RALYL: variants seen among roughly 807,000 people sequenced by gnomAD.
RALYL encodes the protein RNA-binding Raly-like protein.
In RALYL, 29 loss-of-function variants were observed where a neutral mutation model predicts 35.1. The ratio of observed to expected loss-of-function variants is 0.83; its 90% CI spans 0.61 to 1.13. The LOEUF (loss-of-function observed/expected upper bound fraction) is 1.13. RALYL is among the 50% of genes most tolerant of loss of function. The pLI, the probability that RALYL is intolerant of heterozygous loss-of-function variation, is 0.00. For synonymous variants in RALYL, 120 were observed against 127.6 expected (o/e 0.94, Z 0.40); for missense variants, 359 against 360.4 (o/e 1.00, Z 0.03).
At chr8:84,853,861 G>C (rs1177003762) in intron 5 of RALYL, among the ~76,000 whole-genome samples, 1 of 152,036 alleles carries the variant, frequency 6.6e-6, no homozygotes, top group Admixed American at 6.5e-5. Flanking sequence ...TCTTTTAGCA[G>C]AGGTGCAAAC....
At chr8:84,637,882 G>A (rs896005292) in intron 2 of RALYL, among the ~76,000 whole-genome samples, 6 of 151,870 alleles carry the variant, frequency 4.0e-5, no homozygotes, top group Admixed American at 3.3e-4. Flanking sequence ...AATGTGCATG[G>A]TTTAAGGGAG....
At chr8:84,647,577 T>G (rs1827759919) in intron 2 of RALYL, among the ~76,000 whole-genome samples, 1 of 152,084 alleles carries the variant, frequency 6.6e-6, no homozygotes, top group African/African-American at 2.4e-5. Context: ...AATATGCAGT[T>G]TTGGAGCTCA....
intron 2 of RALYL, among the ~76,000 whole-genome samples, chr8:84,593,854 C>G (rs1401568542): frequency 6.6e-6 from 1 of 152,060 alleles, no homozygotes; most frequent in Non-Finnish European, 1.5e-5. Context: ...CAGGTCTAGT[C>G]TCTCTTTTGT....
chr8:84,201,550 T>C (rs965762550), intron 1 of RALYL, among the ~76,000 whole-genome samples: 1 of 151,986 alleles, frequency 6.6e-6, no homozygotes, highest in African/African-American at 2.4e-5. Context: ...GGAGTAGTTT[T>C]CATTCATTTT....
At chr8:84,185,348 G>A in intron 1 of RALYL, 1 of 333,982 alleles carries the variant, frequency 3.0e-6, no homozygotes, top group South Asian at 4.5e-5. Context: ...TACAGGGCAG[G>A]AGTGAGGGGT....
chr8:84,739,943 C>T (rs1043378177), intron 2 of RALYL, among the ~76,000 whole-genome samples: 1 of 151,826 alleles, frequency 6.6e-6, no homozygotes, highest in Non-Finnish European at 1.5e-5. Flanking sequence ...CCCAGGTTTG[C>T]TTTGTGGGGT....
chr8:84,471,681 T>G (rs2052774160), intron 1 of RALYL, among the ~76,000 whole-genome samples: 1 of 152,178 alleles, frequency 6.6e-6, no homozygotes, highest in African/African-American at 2.4e-5. Flanking sequence ...TAATGCAAAC[T>G]TCATTAGATA....
At position 84,386,208 on chromosome 8, in the gene RALYL, G is replaced by A. The variant is rs1302175466; in HGVS notation, c.-23-143091G>A. On this transcript the variant is annotated intron_variant, in intron 1 of 8. Transcript: ENST00000521268. ...ACTATTGCCACTCTGGGAGCTTCAA[G>A]TGAAGCCTCTGTAGTTAGCCTTTGC... Among the ~76,000 whole-genome samples the A allele has an allele frequency of 3.3e-5, 5 of 151,826 alleles. No individual in the cohort carries two copies. In the South Asian group the frequency reaches 1.0e-3, roughly 31 times the overall value.
chr8:84,846,317 A>G (rs1465697451), intron 4 of RALYL, among the ~76,000 whole-genome samples: 1 of 152,164 alleles, frequency 6.6e-6, no homozygotes, highest in Non-Finnish European at 1.5e-5. Flanking sequence ...TTCTTTGAGC[A>G]GTGTTTTGTA....
intron 2 of RALYL, among the ~76,000 whole-genome samples, chr8:84,675,975 A>G (rs1260042338): frequency 6.6e-6 from 1 of 152,194 alleles, no homozygotes; most frequent in Non-Finnish European, 1.5e-5. Context: ...CTGCAAGGCA[A>G]TTGATGTGTT....
In RALYL at chr8:84,653,062, A is replaced by T. The variant is rs546102897; in HGVS notation, c.257-121517A>T. Among the ~76,000 whole-genome samples, 3 of 152,234 alleles carry T rather than the reference A, an allele frequency of 2.0e-5. No homozygotes were observed. In the East Asian group the frequency reaches 5.8e-4, roughly 29 times the overall value. On this transcript the variant is annotated intron_variant, in intron 2 of 8. Transcript: ENST00000521268. ...TGTATACCAGTTAGTCCAATGCTAAAAACAACAAACAAACGAATGGGTTAT... is the reference window on the plus strand; with the variant it reads ...TGTATACCAGTTAGTCCAATGCTAATAACAACAAACAAACGAATGGGTTAT...
At chr8:84,547,349 T>C (rs1333535003) in intron 2 of RALYL, among the ~76,000 whole-genome samples, 4 of 151,544 alleles carry the variant, frequency 2.6e-5, no homozygotes, top group African/African-American at 9.8e-5. Flanking sequence ...CCAAGGACTG[T>C]TGTTATTTTT....
At chr8:84,282,700 G>C (rs183048180) in intron 1 of RALYL, among the ~76,000 whole-genome samples, 2 of 104,798 alleles carry the variant, frequency 1.9e-5, no homozygotes, top group African/African-American at 3.9e-5. Context: ...ATTAAAACGT[G>C]TGTACATATA....
At chr8:84,506,145 G>A (rs896431916) in intron 1 of RALYL, among the ~76,000 whole-genome samples, 1 of 151,994 alleles carries the variant, frequency 6.6e-6, no homozygotes, top group Non-Finnish European at 1.5e-5. Flanking sequence ...AGGTCACCAT[G>A]CTGTCAGTAA....
intron 1 of RALYL, among the ~76,000 whole-genome samples, chr8:84,265,984 A>C (rs1193327664): frequency 2.0e-5 from 3 of 152,094 alleles, no homozygotes; most frequent in African/African-American, 4.8e-5. Flanking sequence ...CTTTTAAATA[A>C]ATTTTTTAAA....
chr8:84,453,655 T>G (rs2049784439), intron 1 of RALYL, among the ~76,000 whole-genome samples: 1 of 152,028 alleles, frequency 6.6e-6, no homozygotes, highest in Admixed American at 6.6e-5. Context: ...TCTTGAACAA[T>G]TGTCTTAGAC....
intron 2 of RALYL, among the ~76,000 whole-genome samples, chr8:84,618,208 G>A (rs1820322830): frequency 6.6e-6 from 1 of 151,808 alleles, no homozygotes; most frequent in South Asian, 2.1e-4. Context: ...ATTCGGCTGT[G>A]AATCCATTTG....
chr8:84,755,605 A>G (rs1274214949), intron 2 of RALYL, among the ~76,000 whole-genome samples: 1 of 152,146 alleles, frequency 6.6e-6, no homozygotes, highest in East Asian at 1.9e-4. Context: ...TGATCATATT[A>G]GTATGCGTGT....
chr8:84,240,048 T>A (rs1235355510), intron 1 of RALYL, among the ~76,000 whole-genome samples: 1 of 152,196 alleles, frequency 6.6e-6, no homozygotes, highest in Non-Finnish European at 1.5e-5. Context: ...TTTTAATTCA[T>A]TGTGGAAGAA....
Sources: gnomAD v4.1 joint callset for allele counts (sites outside exome capture counted in the v4.1 genomes callset) on GRCh38, gnomAD v4.1.1 for gene constraint, MANE v1.5 for transcripts, NCBI Gene and HGNC (gene_info 2026-07-23, HGNC 2026-07-21) for gene names.